TRDN: variants seen among roughly 807,000 people sequenced by gnomAD.
TRDN encodes the protein triadin.
A neutral mutation model predicts 149.7 loss-of-function variants in TRDN; 161 were observed. The ratio of observed to expected loss-of-function variants is 1.08; its 90% CI spans 0.95 to 1.23. The LOEUF is 1.23. Among genes scored for constraint, TRDN ranks in the 50% most tolerant of loss-of-function variants. The pLI, the probability that TRDN is intolerant of heterozygous loss-of-function variation, is 0.00. For synonymous variants in TRDN, 294 were observed against 250.5 expected (o/e 1.17, Z -1.64); for missense variants, 896 against 823.5 (o/e 1.09, Z -1.08).
chr6:123,471,390 T>A (rs1777141212), intron 9 of TRDN: 2 of 152,222 alleles, frequency 1.3e-5, no homozygotes, highest in Non-Finnish European at 1.5e-5. Flanking sequence ...GTATAGAAGA[T>A]CACCAGTGAA....
At chr6:123,465,603 A>AG (rs1276142726) in intron 9 of TRDN, among the ~76,000 whole-genome samples, 165 of 131,708 alleles carry the variant, frequency 1.3e-3, no homozygotes, top group African/African-American at 4.5e-3. Context: ...AAAAAAAAAA[A>AG]AGAGAGAGAG....
At chr6:123,259,525 A>T (rs1432210963) in intron 35 of TRDN, 99 bp downstream of exon 35, 1 of 785,080 alleles carries the variant, frequency 1.3e-6, no homozygotes, top group East Asian at 2.9e-5. Flanking sequence ...CTTCATTTTC[A>T]TCAACTGTTT....
chr6:123,434,779 T>A (rs532450070), intron 12 of TRDN, among the ~76,000 whole-genome samples: 30 of 152,248 alleles, frequency 2.0e-4, no homozygotes, highest in Non-Finnish European at 3.7e-4. Flanking sequence ...TTTTTTAATT[T>A]TACATAATGT....
At chr6:123,226,043 T>A (rs1387420271) in intron 38 of TRDN, among the ~76,000 whole-genome samples, 2 of 151,714 alleles carry the variant, frequency 1.3e-5, no homozygotes, top group Non-Finnish European at 2.9e-5. Context: ...TATAGAAAAA[T>A]GCTATTATGT....
chr6:123,265,364 G>T (rs924260980), intron 32 of TRDN, 26 bp from the exon 33 acceptor site: 38 of 1,364,954 alleles, frequency 2.8e-5, no homozygotes, highest in Non-Finnish European at 3.4e-5. Flanking sequence ...GAAAAAAAAA[G>T]AAAATGAGTG....
At chr6:123,368,557 T>G (rs1443079764) in intron 19 of TRDN, among the ~76,000 whole-genome samples, 3 of 152,114 alleles carry the variant, frequency 2.0e-5, no homozygotes, top group African/African-American at 4.8e-5. Flanking sequence ...TCCAGGATAC[T>G]CTAATATTTT....
At chr6:123,545,616 TC>T (rs1416515744) in intron 4 of TRDN, among the ~76,000 whole-genome samples, 1 of 151,880 alleles carries the variant, frequency 6.6e-6, no homozygotes, top group Non-Finnish European at 1.5e-5. Context: ...TGATTTAAAG[TC>T]AATTCTCCTA....
chr6:123,589,888 C>G (rs1783698182), intron 1 of TRDN, among the ~76,000 whole-genome samples: 1 of 152,034 alleles, frequency 6.6e-6, no homozygotes, highest in Non-Finnish European at 1.5e-5. Context: ...ACCCAAGTTT[C>G]TTTTTTAAAT....
chr6:123,592,284 T>A (rs1783824914), intron 1 of TRDN, among the ~76,000 whole-genome samples: 1 of 152,186 alleles, frequency 6.6e-6, no homozygotes, highest in African/African-American at 2.4e-5. Context: ...TGCTTAACAT[T>A]TCAGTTTTTA....
At chr6:123,399,105 T>G (rs1402883537) in intron 12 of TRDN, among the ~76,000 whole-genome samples, 1 of 152,206 alleles carries the variant, frequency 6.6e-6, no homozygotes, top group Non-Finnish European at 1.5e-5. Flanking sequence ...TAAAAAAGAC[T>G]ATCGCTTCCA....
rs1280237589 is a variant in TRDN at position 123,487,153 on chromosome 6, C to CA, written c.853+10039dup. 6.4e-3 allele frequency among the ~76,000 whole-genome samples: 952 copies of CA among 149,726 alleles called. 8 individuals are homozygous for CA. The highest frequency in any genetic ancestry group is 0.022 in the African/African-American group (883 of 40,888). On this transcript the variant is annotated intron_variant, in intron 9 of 40. Transcript: ENST00000334268. Reference sequence around the variant, plus strand: ...TGTAAATGCACTTTGACCAGAAATACAAAAAAAAAGGACTCAGCCAAAGGA... The same window carrying CA: ...TGTAAATGCACTTTGACCAGAAATACAAAAAAAAAAGGACTCAGCCAAAGGA...
At chr6:123,294,738 G>C (rs899110552) in intron 24 of TRDN, among the ~76,000 whole-genome samples, 1 of 152,090 alleles carries the variant, frequency 6.6e-6, no homozygotes, top group African/African-American at 2.4e-5. Context: ...ATGGCCTGGG[G>C]GTTGGGAATC....
chr6:123,384,384 A>G (rs1175777176), intron 14 of TRDN, among the ~76,000 whole-genome samples: 1 of 152,204 alleles, frequency 6.6e-6, no homozygotes, highest in Admixed American at 6.5e-5. Flanking sequence ...TCTTGAGTCC[A>G]GAATACAGCC....
intron 24 of TRDN, among the ~76,000 whole-genome samples, chr6:123,285,188 A>C (rs561106565): frequency 3.1e-4 from 47 of 152,184 alleles, no homozygotes; most frequent in African/African-American, 1.1e-3. Context: ...CTAGAAAAAA[A>C]AATCCTAGAA....
At chr6:123,461,677 C>T (rs567181994) in intron 10 of TRDN, among the ~76,000 whole-genome samples, 12 of 151,730 alleles carry the variant, frequency 7.9e-5, no homozygotes, top group South Asian at 6.2e-4. Flanking sequence ...GGGAAGAGGG[C>T]GGGCAACATT....
chr6:123,501,376 A>T (rs536101721), intron 8 of TRDN, among the ~76,000 whole-genome samples: 34 of 150,878 alleles, frequency 2.3e-4, no homozygotes, highest in African/African-American at 8.3e-4. Flanking sequence ...GTGAATGAGT[A>T]TTCTCTTGCC....
At chr6:123,557,011 G>C (rs1781701482) in intron 2 of TRDN, among the ~76,000 whole-genome samples, 1 of 151,878 alleles carries the variant, frequency 6.6e-6, no homozygotes, top group Admixed American at 6.6e-5. Flanking sequence ...CCTTCTCCTG[G>C]CTCATCCTAG....
intron 1 of TRDN, among the ~76,000 whole-genome samples, chr6:123,608,119 T>C (rs191167313): frequency 3.2e-4 from 49 of 152,292 alleles, no homozygotes; most frequent in African/African-American, 1.0e-3. Flanking sequence ...AATGTGATAC[T>C]TCAAATGGGC....
chr6:123,585,487 A>G (rs1010427354), intron 1 of TRDN, among the ~76,000 whole-genome samples: 1 of 152,080 alleles, frequency 6.6e-6, no homozygotes, highest in Non-Finnish European at 1.5e-5. Context: ...CTTCACTGTT[A>G]GAGTTACCCG....
Sources: gnomAD v4.1 joint callset for allele counts (sites outside exome capture counted in the v4.1 genomes callset) on GRCh38, gnomAD v4.1.1 for gene constraint, MANE v1.5 for transcripts, NCBI Gene and HGNC (gene_info 2026-07-23, HGNC 2026-07-21) for gene names.